The following CRTC1 variants were observed in gnomAD, a reference collection of about 807,000 sequenced individuals.
The protein encoded by CRTC1 is CREB-regulated transcription coactivator 1.
CRTC1 carries 18 observed loss-of-function variants against 66.1 expected under a neutral mutation model. The ratio of observed to expected loss-of-function variants is 0.27; its 90% CI spans 0.19 to 0.40. The LOEUF (loss-of-function observed/expected upper bound fraction) is 0.40, where lower values mean the gene tolerates loss of function less well. Ranked by LOEUF, CRTC1 falls within the 10% of genes least tolerant of loss-of-function variation. CRTC1 has a pLI of 1.00. For missense variants in CRTC1, 669 were observed against 887.9 expected (o/e 0.75, Z 3.13); for synonymous variants, 416 against 398.8 (o/e 1.04, Z -0.51).
chr19:18,696,893 C>T (rs1490285111), intron 1 of CRTC1, among the ~76,000 whole-genome samples: 1 of 118,622 alleles, frequency 8.4e-6, no homozygotes, highest in African/African-American at 3.4e-5. Context: ...GGGGGAGTCC[C>T]AGGCTGCAGC....
intron 1 of CRTC1, among the ~76,000 whole-genome samples, chr19:18,689,039 G>A (rs144457336): frequency 0.012 from 1,833 of 152,156 alleles, 16 homozygotes; most frequent in South Asian, 0.036. Flanking sequence ...TCTGCCTCCC[G>A]GATTCCAGTG....
intron 12 of CRTC1, 101 bp downstream of exon 12, chr19:18,775,087 T>TC (rs1190082716): frequency 8.5e-7 from 1 of 1,178,514 alleles, no homozygotes; most frequent in African/African-American, 1.5e-5. Context: ...CTGCACGTGC[T>TC]CGGGGGGCCC....
intron 1 of CRTC1, among the ~76,000 whole-genome samples, chr19:18,738,722 C>A (rs1421055749): frequency 6.6e-6 from 1 of 152,180 alleles, no homozygotes; most frequent in African/African-American, 2.4e-5. Flanking sequence ...ATCGCTTGAA[C>A]CCAGGAGGTA....
intron 1 of CRTC1, among the ~76,000 whole-genome samples, chr19:18,734,257 G>T (rs893056800): frequency 2.0e-5 from 3 of 152,068 alleles, no homozygotes; most frequent in Non-Finnish European, 2.9e-5. Flanking sequence ...CAGAGGTGAT[G>T]GTTGACAGTG....
intron 8 of CRTC1, 144 bp from the exon 9 acceptor site, chr19:18,765,260 C>T (rs931946414): frequency 1.5e-5 from 19 of 1,249,730 alleles, no homozygotes; most frequent in African/African-American, 3.0e-5. Flanking sequence ...GGGGGGTGCC[C>T]AGGTTTGGCA....
chr19:18,685,481 AC>A (rs2052665467), intron 1 of CRTC1, among the ~76,000 whole-genome samples: 1 of 152,048 alleles, frequency 6.6e-6, no homozygotes, highest in Non-Finnish European at 1.5e-5. Context: ...ACGTGGTGAA[AC>A]CCTGTCTGTA....
At chr19:18,755,115 A>G (rs2054455094) in intron 6 of CRTC1, among the ~76,000 whole-genome samples, 1 of 149,796 alleles carries the variant, frequency 6.7e-6, no homozygotes, top group East Asian at 2.0e-4. Context: ...CAGCCTCCCG[A>G]GTAGTTGGGG....
chr19:18,759,952 C>CCCCCCCCCCCCCCCG, intron 7 of CRTC1, 56 bp from the exon 8 acceptor site: 1 of 1,391,512 alleles, frequency 7.2e-7, no homozygotes, highest in Non-Finnish European at 9.9e-7. Flanking sequence ...CCCCTGTCCC[C>CCCCCCCCCCCCCCCG]GCCGCCAGCC....
At chr19:18,765,321 C>T in intron 8 of CRTC1, 83 bp from the exon 9 acceptor site, 2 of 1,524,070 alleles carry the variant, frequency 1.3e-6, no homozygotes, top group Non-Finnish European at 8.8e-7. Flanking sequence ...TATTCCCATG[C>T]AGTGTGACTG....
chr19:18,763,873 G>A (rs143223066), intron 8 of CRTC1, among the ~76,000 whole-genome samples: 2,432 of 152,298 alleles, frequency 0.016, 24 homozygotes, highest in South Asian at 0.044. Context: ...ACGAAGTGGC[G>A]GACACTCAGG....
At chr19:18,694,006 C>T (rs2052921208) in intron 1 of CRTC1, among the ~76,000 whole-genome samples, 1 of 151,916 alleles carries the variant, frequency 6.6e-6, no homozygotes, top group South Asian at 2.1e-4. Flanking sequence ...GTGGCGGGCA[C>T]CTGTAACCCC....
At chr19:18,712,548 C>T (rs2145588319) in intron 1 of CRTC1, among the ~76,000 whole-genome samples, 1 of 152,302 alleles carries the variant, frequency 6.6e-6, no homozygotes, top group South Asian at 2.1e-4. Context: ...GCATGAGCCA[C>T]CATACCCAGC....
At chr19:18,697,934 T>C (rs1413933508) in intron 1 of CRTC1, among the ~76,000 whole-genome samples, 1 of 152,220 alleles carries the variant, frequency 6.6e-6, no homozygotes, top group Non-Finnish European at 1.5e-5. Flanking sequence ...GCCCAGTAGA[T>C]GCTCAGCAGG....
At chr19:18,722,956 T>G (rs2053661063) in intron 1 of CRTC1, among the ~76,000 whole-genome samples, 1 of 152,130 alleles carries the variant, frequency 6.6e-6, no homozygotes, top group Admixed American at 6.5e-5. Context: ...GTCTTTTTTT[T>G]TTGAGACAGG....
At chr19:18,724,673 C>T (rs921096805) in intron 1 of CRTC1, among the ~76,000 whole-genome samples, 1 of 150,616 alleles carries the variant, frequency 6.6e-6, no homozygotes, top group African/African-American at 2.5e-5. Context: ...TCCCCCTCTG[C>T]ATCTGTGTCT....
At position 18,690,386 on chromosome 19, in the gene CRTC1, C is replaced by T. The variant is rs902615280; in HGVS notation, c.126+6558C>T. Among the ~76,000 whole-genome samples the T allele has an allele frequency of 3.9e-5, 6 of 152,270 alleles. No homozygotes were observed. In the East Asian group the frequency reaches 9.6e-4, roughly 24 times the overall value. ...GGCTTTGGCGCTATTTGTTTCTGTG[C>T]CGGCTGCTTCAGCTGTCTGCTGCCA... is the stretch of plus-strand genomic sequence containing the variant. On this transcript the variant is annotated intron_variant, in intron 1 of 13. Coordinates refer to ENST00000321949, the MANE Select transcript of CRTC1 (RefSeq NM_015321.3).
chr19:18,752,663 CAG>C (rs1247067210), intron 5 of CRTC1, among the ~76,000 whole-genome samples: 2 of 146,586 alleles, frequency 1.4e-5, no homozygotes, highest in Non-Finnish European at 3.0e-5. Flanking sequence ...TTTTTTGAAA[CAG>C]AGTTTCACTC....
intron 8 of CRTC1, among the ~76,000 whole-genome samples, chr19:18,762,538 C>T (rs367651044): frequency 1.8e-4 from 27 of 152,362 alleles, no homozygotes; most frequent in African/African-American, 6.3e-4. Flanking sequence ...GACAGTACCC[C>T]GCTTGGCTCC....
intron 1 of CRTC1, among the ~76,000 whole-genome samples, chr19:18,712,986 AT>A (rs1460149875): frequency 7.1e-6 from 1 of 141,158 alleles, no homozygotes; most frequent in Non-Finnish European, 1.5e-5. Flanking sequence ...CCCACCCCCT[AT>A]CCCCATCAGC....
Sources: gnomAD v4.1 joint callset for allele counts (sites outside exome capture counted in the v4.1 genomes callset) on GRCh38, gnomAD v4.1.1 for gene constraint, MANE v1.5 for transcripts, NCBI Gene and HGNC (gene_info 2026-07-23, HGNC 2026-07-21) for gene names.